The following PGM5 variants were observed in gnomAD, a reference collection of about 807,000 sequenced individuals.
The protein encoded by PGM5 is phosphoglucomutase-like protein 5.
Under a neutral mutation model 59.2 loss-of-function variants are expected in PGM5, and 23 were observed. The observed-to-expected ratio is 0.39, with a 90% CI of 0.28 to 0.55. The LOEUF (loss-of-function observed/expected upper bound fraction) is 0.55. Ranked by LOEUF, PGM5 falls within the 20% of genes least tolerant of loss-of-function variation. The pLI is 0.66. For missense variants in PGM5, 574 were observed against 748.3 expected (o/e 0.77, Z 2.72); for synonymous variants, 214 against 286.0 (o/e 0.75, Z 2.54).
chr9:68,395,277 G>A (rs1265978577), intron 6 of PGM5, among the ~76,000 whole-genome samples: 7 of 152,086 alleles, frequency 4.6e-5, no homozygotes, highest in African/African-American at 7.2e-5. Context: ...TTAAAAATCT[G>A]TTGACCATAT....
intron 6 of PGM5, among the ~76,000 whole-genome samples, chr9:68,433,066 A>G (rs1024476119): frequency 6.6e-6 from 1 of 152,270 alleles, no homozygotes; most frequent in African/African-American, 2.4e-5. Context: ...TATTTTTGAC[A>G]CACCTGCCTT....
Position 68,529,873 on chromosome 9 carries a change from T to A in PGM5, c.*217T>A, listed in dbSNP as rs1825054176. 2 of 449,752 alleles carry A rather than the reference T, an allele frequency of 4.4e-6. No individual in the cohort carries two copies. The highest frequency in any genetic ancestry group is 4.4e-5 in the Admixed American group (1 of 22,710). 27.9% of individuals were successfully genotyped at this position (449,752 alleles called of 1,614,324 possible). A position where few individuals can be genotyped will look rare whatever the true frequency, so the allele number is the denominator to read the frequency against. On this transcript the variant is annotated 3_prime_UTR_variant, in exon 11 of 11. Coordinates refer to ENST00000396396, the MANE Select transcript of PGM5 (RefSeq NM_021965.4). Reference sequence around the variant, plus strand: ...ATGCAGCAGGGCCTTTAGTTGTCTGTTAAAGCTGCACTATAATTTGGTATC... The same window carrying A: ...ATGCAGCAGGGCCTTTAGTTGTCTGATAAAGCTGCACTATAATTTGGTATC...
At chr9:68,449,038 G>A (rs1285257288) in intron 6 of PGM5, among the ~76,000 whole-genome samples, 3 of 152,222 alleles carry the variant, frequency 2.0e-5, no homozygotes, top group Admixed American at 6.5e-5. Flanking sequence ...AGCAGATTCA[G>A]TGTGTTGCAA....
intron 1 of PGM5, among the ~76,000 whole-genome samples, chr9:68,367,672 T>C (rs1834706470): frequency 6.6e-6 from 1 of 152,000 alleles, no homozygotes; most frequent in Non-Finnish European, 1.5e-5. Context: ...TAACAATAAA[T>C]TGTTTAATCT....
intron 10 of PGM5, among the ~76,000 whole-genome samples, chr9:68,520,718 AG>A (rs1824889114): frequency 6.6e-6 from 1 of 152,258 alleles, no homozygotes; most frequent in South Asian, 2.1e-4. Flanking sequence ...TAGGAATCAA[AG>A]GGAAGTCCTT....
chr9:68,509,624 G>A (rs763398359), intron 10 of PGM5, among the ~76,000 whole-genome samples: 1 of 152,212 alleles, frequency 6.6e-6, no homozygotes, highest in Non-Finnish European at 1.5e-5. Context: ...AAGCGCCAGC[G>A]TCGGACAGGA....
At chr9:68,427,042 A>G (rs926112764) in intron 6 of PGM5, 1 of 152,264 alleles carries the variant, frequency 6.6e-6, no homozygotes, top group African/African-American at 2.4e-5. Context: ...TTGCCAAAGC[A>G]TTCATTCATC....
intron 1 of PGM5, among the ~76,000 whole-genome samples, chr9:68,363,175 T>TG (rs1554676392): frequency 6.6e-6 from 1 of 152,176 alleles, no homozygotes; most frequent in Non-Finnish European, 1.5e-5. Context: ...CGGCCGTTTC[T>TG]GACTTTTTCT....
chr9:68,394,915 C>G (rs150426089), intron 6 of PGM5, among the ~76,000 whole-genome samples: 2 of 152,120 alleles, frequency 1.3e-5, no homozygotes, highest in African/African-American at 2.4e-5. Flanking sequence ...AGCCACTGAA[C>G]CTGGCTACTT....
chr9:68,385,742 C>G (rs1554678796), intron 3 of PGM5, among the ~76,000 whole-genome samples: 1 of 152,082 alleles, frequency 6.6e-6, no homozygotes, highest in African/African-American at 2.4e-5. Context: ...GGCATCTTCA[C>G]AATTTTTATA....
At chr9:68,490,323 T>G (rs1824369141) in intron 9 of PGM5, among the ~76,000 whole-genome samples, 1 of 152,212 alleles carries the variant, frequency 6.6e-6, no homozygotes, top group Non-Finnish European at 1.5e-5. Flanking sequence ...CAGCTTCAAC[T>G]TTTTGTTTTT....
intron 6 of PGM5, among the ~76,000 whole-genome samples, chr9:68,449,914 T>C (rs1823669073): frequency 1.3e-5 from 2 of 152,118 alleles, no homozygotes; most frequent in Admixed American, 1.3e-4. Context: ...CTTACAGCTA[T>C]GGGGGTAGGG....
intron 4 of PGM5, among the ~76,000 whole-genome samples, chr9:68,388,161 A>G (rs1296702599): frequency 1.5e-5 from 2 of 137,318 alleles, no homozygotes; most frequent in Non-Finnish European, 3.1e-5. Context: ...AGGGAATCCT[A>G]GCATGCTTCC....
chr9:68,366,360 A>G (rs1228697523), intron 1 of PGM5, among the ~76,000 whole-genome samples: 6 of 152,272 alleles, frequency 3.9e-5, no homozygotes, highest in African/African-American at 1.2e-4. Flanking sequence ...CCACTAAAAT[A>G]AAGGATATAA....
At chr9:68,364,108 G>A (rs1470316522) in intron 1 of PGM5, among the ~76,000 whole-genome samples, 5 of 152,252 alleles carry the variant, frequency 3.3e-5, no homozygotes, top group African/African-American at 7.2e-5. Flanking sequence ...CACATGATGA[G>A]CAGCAATGAT....
intron 6 of PGM5, among the ~76,000 whole-genome samples, chr9:68,416,056 G>A (rs1219030732): frequency 2.0e-5 from 3 of 152,114 alleles, no homozygotes; most frequent in Admixed American, 6.6e-5. Context: ...TTCTAAGTAA[G>A]TGGAATTGCT....
At chr9:68,501,749 A>C (rs1273284602) in intron 10 of PGM5, among the ~76,000 whole-genome samples, 2 of 152,230 alleles carry the variant, frequency 1.3e-5, no homozygotes, top group Admixed American at 1.3e-4. Flanking sequence ...AGCCATCTAC[A>C]CTTAAATTAT....
chr9:68,444,984 C>G (rs1823589505), intron 6 of PGM5, among the ~76,000 whole-genome samples: 1 of 152,192 alleles, frequency 6.6e-6, no homozygotes, highest in Non-Finnish European at 1.5e-5. Context: ...CTGCCTGGAG[C>G]TTTGCTTTCT....
chr9:68,413,121 A>G (rs1822962197), intron 6 of PGM5, among the ~76,000 whole-genome samples: 1 of 152,220 alleles, frequency 6.6e-6, no homozygotes, highest in Non-Finnish European at 1.5e-5. Flanking sequence ...ATAACAAAGC[A>G]GCATTACTTG....
Sources: gnomAD v4.1 joint callset for allele counts (sites outside exome capture counted in the v4.1 genomes callset) on GRCh38, gnomAD v4.1.1 for gene constraint, MANE v1.5 for transcripts, NCBI Gene and HGNC (gene_info 2026-07-23, HGNC 2026-07-21) for gene names.